Variants in THEMIS observed in about 807,000 individuals in gnomAD.
THEMIS encodes the protein protein THEMIS.
In THEMIS, 37 loss-of-function variants were observed where a neutral mutation model predicts 52.6. The observed-to-expected ratio is 0.70, with a 90% CI of 0.54 to 0.93. The LOEUF (loss-of-function observed/expected upper bound fraction) is 0.93, where lower values mean the gene tolerates loss of function less well. THEMIS is among the 40% of genes least tolerant of loss of function. The pLI is 0.00. For missense variants in THEMIS, 808 were observed against 763.1 expected, an observed-to-expected ratio of 1.06 and a Z score of -0.69; for synonymous variants, 292 against 272.7, an observed-to-expected ratio of 1.07 and a Z score of -0.70.
intron 3 of THEMIS, among the ~76,000 whole-genome samples, chr6:127,819,368 A>C (rs891348193): frequency 6.6e-6 from 1 of 152,138 alleles, no homozygotes; most frequent in Non-Finnish European, 1.5e-5. Context: ...TGGGTATACC[A>C]GAAGGAGAAT....
chr6:127,720,180 A>G (rs1029271350), intron 4 of THEMIS, among the ~76,000 whole-genome samples: 3 of 151,950 alleles, frequency 2.0e-5, no homozygotes, highest in African/African-American at 7.2e-5. Flanking sequence ...ATTATATATT[A>G]CATAATTACA....
chr6:127,788,810 A>T (rs982972175), intron 4 of THEMIS, among the ~76,000 whole-genome samples: 1 of 152,204 alleles, frequency 6.6e-6, no homozygotes, highest in Non-Finnish European at 1.5e-5. Context: ...AATATTACAT[A>T]AATACAATGA....
At chr6:127,704,818 C>A (rs75120158), downstream of THEMIS, among the ~76,000 whole-genome samples, 965 of 152,258 alleles carry the variant, frequency 6.3e-3, 22 homozygotes, top group East Asian at 0.023. Flanking sequence ...ACTTTTTATT[C>A]GGCTTACACT....
At chr6:127,826,873 G>A (rs947492525) in intron 3 of THEMIS, among the ~76,000 whole-genome samples, 22 of 151,644 alleles carry the variant, frequency 1.5e-4, no homozygotes, top group African/African-American at 5.1e-4. Flanking sequence ...AGGGTTGGGG[G>A]GTTCAGACCT....
At chr6:127,861,497 G>A (rs970862719) in intron 1 of THEMIS, among the ~76,000 whole-genome samples, 21 of 151,766 alleles carry the variant, frequency 1.4e-4, no homozygotes, top group African/African-American at 4.6e-4. Flanking sequence ...GAAATTGAGA[G>A]TAAAGACTGG....
At chr6:127,842,422 T>C (rs1779079651) in intron 2 of THEMIS, among the ~76,000 whole-genome samples, 1 of 152,066 alleles carries the variant, frequency 6.6e-6, no homozygotes, top group African/African-American at 2.4e-5. Flanking sequence ...TTTTAGCCAT[T>C]TAGCCTTAAT....
At chr6:127,898,291 G>A (rs1326862043) in intron 1 of THEMIS, among the ~76,000 whole-genome samples, 1 of 72,270 alleles carries the variant, frequency 1.4e-5, no homozygotes, top group South Asian at 5.0e-4. Context: ...AAGATGGTCT[G>A]GACACATAGA....
chr6:127,757,779 G>A (rs897536730), intron 4 of THEMIS, among the ~76,000 whole-genome samples: 3 of 151,914 alleles, frequency 2.0e-5, no homozygotes, highest in Admixed American at 6.6e-5. Flanking sequence ...CACCATGCCC[G>A]GCCCATATAT....
intron 4 of THEMIS, among the ~76,000 whole-genome samples, chr6:127,796,861 C>T (rs754450604): frequency 2.0e-5 from 3 of 152,214 alleles, no homozygotes; most frequent in Non-Finnish European, 4.4e-5. Context: ...TTGATTCTCA[C>T]TGTTTTATAT....
intron 4 of THEMIS, among the ~76,000 whole-genome samples, chr6:127,727,388 G>T (rs902223538): frequency 6.6e-6 from 1 of 152,154 alleles, no homozygotes; most frequent in African/African-American, 2.4e-5. Context: ...TGAGCTTTTG[G>T]TGAAATTAGT....
intron 1 of THEMIS, among the ~76,000 whole-genome samples, chr6:127,909,621 C>T (rs899457918): frequency 6.6e-6 from 1 of 152,056 alleles, no homozygotes; most frequent in African/African-American, 2.4e-5. Flanking sequence ...AGCATGAGAA[C>T]AGACTAATAC....
At chr6:127,703,052 T>TTG in the THEMIS span, among the ~76,000 whole-genome samples, 1 of 109,202 alleles carries the variant, frequency 9.2e-6, no homozygotes, top group Non-Finnish European at 2.1e-5. Flanking sequence ...TTTTTTTTTT[T>TTG]TTTTTTTTTT....
intron 1 of THEMIS, among the ~76,000 whole-genome samples, chr6:127,884,408 A>G (rs987708898): frequency 2.0e-5 from 3 of 152,122 alleles, no homozygotes; most frequent in African/African-American, 7.2e-5. Context: ...AATGTCCTAT[A>G]AAGGCCTCAA....
At chr6:127,832,788 T>TTTTTTTA (rs1778743464) in intron 2 of THEMIS, among the ~76,000 whole-genome samples, 1 of 127,948 alleles carries the variant, frequency 7.8e-6, no homozygotes, top group African/African-American at 3.1e-5. Context: ...TTTTTTTTTT[T>TTTTTTTA]TTTTTTTTTT....
At chr6:127,787,891 A>AGATAGATAGAT (rs1777025696) in intron 4 of THEMIS, among the ~76,000 whole-genome samples, 1 of 146,294 alleles carries the variant, frequency 6.8e-6, no homozygotes, top group African/African-American at 2.6e-5. Context: ...ATAGATAGAT[A>AGATAGATAGAT]GATAGATAGA....
chr6:127,755,297 T>G (rs1775784030), intron 4 of THEMIS, among the ~76,000 whole-genome samples: 1 of 152,218 alleles, frequency 6.6e-6, no homozygotes, highest in Non-Finnish European at 1.5e-5. Flanking sequence ...TAAAAGTTCT[T>G]GTTAGGGATT....
chr6:127,905,826 A>G (rs1168761302), upstream of THEMIS, among the ~76,000 whole-genome samples: 1 of 116,892 alleles, frequency 8.6e-6, no homozygotes, highest in Non-Finnish European at 2.2e-5. Flanking sequence ...AAAATGGTAA[A>G]TGAATGATAA....
intron 1 of THEMIS, among the ~76,000 whole-genome samples, chr6:127,908,808 CT>C (rs199709486): frequency 5.3e-4 from 80 of 150,834 alleles, no homozygotes; most frequent in African/African-American, 1.4e-3. Flanking sequence ...TCTCTTTTCT[CT>C]TTTTTTTTCA....
At chr6:127,721,651 C>T (rs1230131379) in intron 4 of THEMIS, among the ~76,000 whole-genome samples, 1 of 151,998 alleles carries the variant, frequency 6.6e-6, no homozygotes, top group Admixed American at 6.6e-5. Flanking sequence ...CCACAGTCCA[C>T]AAAAATATAA....
Sources: allele counts gnomAD v4.1 joint callset (sites outside exome capture counted in the v4.1 genomes callset), GRCh38; gene constraint gnomAD v4.1.1; transcripts MANE v1.5; gene names NCBI Gene and HGNC (gene_info 2026-07-23, HGNC 2026-07-21).